Variants in RMND5B observed in about 807,000 individuals in gnomAD.
RMND5B encodes E3 ubiquitin-protein transferase RMND5B.
RMND5B carries 42 observed loss-of-function variants against 50.4 expected under a neutral mutation model. The observed-to-expected ratio is 0.83, with a 90% CI of 0.65 to 1.08. The LOEUF is 1.08. Ranked by LOEUF, RMND5B falls within the 50% of genes least tolerant of loss-of-function variation. The pLI, the probability that RMND5B is intolerant of heterozygous loss-of-function variation, is 0.00. For synonymous variants in RMND5B, 220 were observed against 210.0 expected, an observed-to-expected ratio of 1.05 and a Z score of -0.41; for missense variants, 463 against 508.5, an observed-to-expected ratio of 0.91 and a Z score of 0.86.
intron 3 of RMND5B, among the ~76,000 whole-genome samples, chr5:178,139,626 C>T (rs1318693253): frequency 6.6e-6 from 1 of 151,520 alleles, no homozygotes; most frequent in African/African-American, 2.4e-5. Context: ...TCACTGCAAC[C>T]TCCGCCTCCC....
chr5:178,138,241 C>T lies in RMND5B; in HGVS notation c.122C>T (p.Ala41Val). ...ELLHYVGQLR[A>V]ELASAALQGT... ...CTGCACTACGTGGGCCAGCTGCGGG[C>T]TGAGCTGGCCAGCGCAGGTGGGTGG... Residue 41 changes from alanine (A) to valine (V), a missense_variant, in exon 3 of 11, where the codon GCT becomes GTT. Physicochemically the swap from Ala to Val is moderately conservative, Grantham distance 64 (BLOSUM62 0). Transcript: ENST00000313386. This position sits in a 1 kb window ranked among gnomAD's most constrained non-coding sequence, Gnocchi z 5.1. 6.2e-7 allele frequency: 1 copy of T among 1,613,492 alleles called. No individual in the cohort carries two copies. The highest frequency in any genetic ancestry group is 8.5e-7 in the Non-Finnish European group (1 of 1,179,690).
At chr5:178,132,360 GAAA>G (rs1758360474) in intron 2 of RMND5B, among the ~76,000 whole-genome samples, 1 of 152,116 alleles carries the variant, frequency 6.6e-6, no homozygotes, top group Non-Finnish European at 1.5e-5. Context: ...AGAATCGCTT[GAAA>G]CTGGGAAGCA....
chr5:178,147,425 A>G, intron 8 of RMND5B, 108 bp from the exon 9 acceptor site: 1 of 768,832 alleles, frequency 1.3e-6, no homozygotes. Flanking sequence ...TTGACCGTGC[A>G]CCATTTTAGA....
chr5:178,148,524 G>A lies in RMND5B; in HGVS notation c.*492G>A, dbSNP rs997086610. 7 of 169,184 alleles carry A rather than the reference G, an allele frequency of 4.1e-5. No homozygotes were observed. The highest frequency in any genetic ancestry group is 3.1e-4 in the South Asian group (2 of 6,456). The allele number at this position is 169,184 out of a possible 1,614,324, so 10.5% of individuals were successfully genotyped here. A position where few individuals can be genotyped will look rare whatever the true frequency, so the allele number is the denominator to read the frequency against. On this transcript the variant is annotated 3_prime_UTR_variant, in exon 11 of 11. Coordinates refer to ENST00000313386, the MANE Select transcript of RMND5B (RefSeq NM_022762.5). ...ATAGTCCCAGTTAGAACGGAATGCC[G>A]TTGTTTTATAACTTTGAACAAATGT...
chr5:178,141,851 C>T (rs1303271817), intron 3 of RMND5B: 2 of 152,302 alleles, frequency 1.3e-5, no homozygotes, highest in East Asian at 1.9e-4. Context: ...TCTCCATTTC[C>T]TCCCTCTCCC....
chr5:178,149,488 C>A lies in RMND5B; in HGVS notation c.*1456C>A. 1 of 542,764 alleles carries A rather than the reference C, an allele frequency of 1.8e-6. No individual in the cohort carries two copies. The highest frequency in any genetic ancestry group is 3.4e-6 in the Non-Finnish European group (1 of 298,184). 33.6% of individuals were successfully genotyped at this position (542,764 alleles called of 1,614,324 possible). On this transcript the variant is annotated 3_prime_UTR_variant, in exon 11 of 11. Coordinates refer to ENST00000313386, the MANE Select transcript of RMND5B (RefSeq NM_022762.5). ...TTTTAGTCTTAGCATTTACTTTCCC[C>A]ACCCCACATTCTTGGAACAGCCTTT...
intron 7 of RMND5B, among the ~76,000 whole-genome samples, chr5:178,144,309 G>A (rs1483874066): frequency 6.6e-6 from 1 of 152,166 alleles, no homozygotes; most frequent in Non-Finnish European, 1.5e-5. Context: ...CATACCTTTA[G>A]TTTATAGCTT....
In RMND5B at chr5:178,149,896, A is replaced by G. The variant is rs1561643667; in HGVS notation, c.*1864A>G. 7 of 1,593,496 alleles carry G rather than the reference A, an allele frequency of 4.4e-6. No individual in the cohort carries two copies. In the East Asian group the frequency reaches 1.6e-4, roughly 36 times the overall value. ...AAGCTGTACAACCTGTATGCCAGGA[A>G]GTCACCAACTGATGACCCACCAGCC... On this transcript the variant is annotated 3_prime_UTR_variant, in exon 11 of 11. Transcript: ENST00000313386.
intron 5 of RMND5B, 49 bp downstream of exon 5, chr5:178,143,041 C>T (rs1755770051): frequency 5.1e-6 from 8 of 1,572,768 alleles, no homozygotes; most frequent in Non-Finnish European, 6.0e-6. Context: ...CTGCCTTTCA[C>T]CTGCTAGTTT....
chr5:178,143,118 A>G, intron 5 of RMND5B, 126 bp downstream of exon 5: 1 of 1,144,662 alleles, frequency 8.7e-7, no homozygotes, highest in Non-Finnish European at 1.2e-6. Flanking sequence ...CACCTCTGCC[A>G]GAAGCAGAAG....
chr5:178,140,761 T>C (rs1581120013), intron 3 of RMND5B, among the ~76,000 whole-genome samples: 1 of 148,802 alleles, frequency 6.7e-6, no homozygotes, highest in Non-Finnish European at 1.5e-5. Context: ...ACCCAGGAGG[T>C]GGAGGTTGCA....
At chr5:178,139,085 G>A (rs983513456) in intron 3 of RMND5B, among the ~76,000 whole-genome samples, 2 of 152,082 alleles carry the variant, frequency 1.3e-5, no homozygotes, top group African/African-American at 2.4e-5. Flanking sequence ...GCAGTGAGCC[G>A]AGGTCACGCC....
At chr5:178,139,114 C>T (rs939467362) in intron 3 of RMND5B, among the ~76,000 whole-genome samples, 3 of 151,922 alleles carry the variant, frequency 2.0e-5, no homozygotes, top group Admixed American at 6.6e-5. Flanking sequence ...CCAACCTGGG[C>T]AACAGAGCAA....
At position 178,150,464 on chromosome 5, in the gene RMND5B, T is replaced by G; in HGVS notation, c.*2432T>G. 2.8e-6 allele frequency: 1 copy of G among 355,414 alleles called. No individual in the cohort carries two copies. The highest frequency in any genetic ancestry group is 2.2e-5 in the South Asian group (1 of 46,506). 22.0% of individuals were successfully genotyped at this position (355,414 alleles called of 1,614,324 possible). A position where few individuals can be genotyped will look rare whatever the true frequency, so the allele number is the denominator to read the frequency against. On this transcript the variant is annotated 3_prime_UTR_variant, in exon 11 of 11. Transcript: ENST00000313386. ...TGTATGATCATGGCTCACTGCAGCCTTGAACTCCTGGGTTCAAGTGATCTC... is the reference window on the plus strand; with the variant it reads ...TGTATGATCATGGCTCACTGCAGCCGTGAACTCCTGGGTTCAAGTGATCTC...
chr5:178,142,909 C>T lies in RMND5B; in HGVS notation c.343C>T (p.Gln115Ter), dbSNP rs1759030886. The T allele has an allele frequency of 6.2e-7, 1 of 1,613,996 alleles. No individual in the cohort carries two copies. The highest frequency in any genetic ancestry group is 1.3e-5 in the African/African-American group (1 of 74,948). Residue 115 changes from glutamine to a stop codon, truncating the protein, a stop_gained, in exon 5 of 11, where the codon CAG (glutamine) becomes TAG (stop). Coordinates refer to ENST00000313386, the MANE Select transcript of RMND5B (RefSeq NM_022762.5). LOFTEE classifies it high-confidence loss of function. ...VSDAVWDAREQQQQILQMAIV... is the reference protein window; with the variant it reads ...VSDAVWDARE ...AGATGCGGTGTGGGACGCGCGGGAA[C>T]AGCAGCAGCAGATCCTGCAGATGGC...
chr5:178,144,195 C>T (rs1755853836), intron 7 of RMND5B, 87 bp downstream of exon 7: 4 of 1,433,964 alleles, frequency 2.8e-6, no homozygotes, highest in Non-Finnish European at 3.8e-6. Context: ...AGTCCCTGCA[C>T]CCATGTGGGG....
Position 178,148,210 on chromosome 5 carries a change from G to C in RMND5B, c.*178G>C. 1.6e-6 allele frequency: 1 copy of C among 634,534 alleles called. No individual in the cohort carries two copies. The highest frequency in any genetic ancestry group is 1.8e-5 in the African/African-American group (1 of 54,782). The allele number at this position is 634,534 out of a possible 1,614,324, so 39.3% of individuals were successfully genotyped here. On this transcript the variant is annotated 3_prime_UTR_variant, in exon 11 of 11. Coordinates refer to ENST00000313386, the MANE Select transcript of RMND5B (RefSeq NM_022762.5). ...AGAGGCTGAGGAGGGAGATGGACCAGCCCACGCCTGGCACCTGGCTCCATG... is the reference window on the plus strand; with the variant it reads ...AGAGGCTGAGGAGGGAGATGGACCACCCCACGCCTGGCACCTGGCTCCATG...
In RMND5B at chr5:178,143,944, G is replaced by C. The variant is rs2032249602; in HGVS notation, c.530G>C (p.Trp177Ser). 1.2e-6 allele frequency: 2 copies of C among 1,614,152 alleles called. No homozygotes were observed. Among genetic ancestry groups the C allele is most frequent in the Admixed American group, 3.3e-5 (2 of 60,032 alleles). ...TAAACTGGCCCCTTTCTTCCCAGAT[G>C]GGCCGTCTCCCACAGGCAGCGCCTG... ...HEQDLGPALE[W>S]AVSHRQRLLE... Residue 177 changes from tryptophan to serine, a missense_variant and splice_region_variant, in exon 7 of 11, where the codon TGG (tryptophan) becomes TCG (serine). Physicochemically the swap from Trp to Ser is radical, Grantham distance 177. Coordinates refer to ENST00000313386, the MANE Select transcript of RMND5B (RefSeq NM_022762.5).
intron 3 of RMND5B, among the ~76,000 whole-genome samples, chr5:178,140,465 C>A (rs949451795): frequency 1.3e-5 from 2 of 151,970 alleles, no homozygotes; most frequent in Admixed American, 1.3e-4. Flanking sequence ...ATCCGCTGCA[C>A]CTGGCCTGAT....
Sources: allele counts gnomAD v4.1 joint callset (sites outside exome capture counted in the v4.1 genomes callset), GRCh38; gene constraint gnomAD v4.1.1; non-coding constraint Gnocchi (gnomAD v3.1); transcripts MANE v1.5; gene names NCBI Gene and HGNC (gene_info 2026-07-23, HGNC 2026-07-21).